The following RPAP3 variants were observed in gnomAD, a reference collection of about 807,000 sequenced individuals.
RPAP3 encodes RNA polymerase II-associated protein 3.
Under a neutral mutation model 88.8 loss-of-function variants are expected in RPAP3, and 58 were observed. The ratio of observed to expected loss-of-function variants is 0.65; its 90% CI spans 0.53 to 0.81. RPAP3 has a LOEUF of 0.81. Ranked by LOEUF, RPAP3 falls within the 40% of genes least tolerant of loss-of-function variation. The pLI, the probability that RPAP3 is intolerant of heterozygous loss-of-function variation, is 0.00. For synonymous variants in RPAP3, 255 were observed against 259.9 expected (o/e 0.98, Z 0.18); for missense variants, 751 against 764.3 (o/e 0.98, Z 0.20).
intron 5 of RPAP3, among the ~76,000 whole-genome samples, chr12:47,691,762 T>C (rs1484995605): frequency 6.6e-6 from 1 of 152,120 alleles, no homozygotes; most frequent in East Asian, 1.9e-4. Flanking sequence ...TTTCTTTTTT[T>C]TTGAGACAGA....
rs1938759645 is a variant in RPAP3 at position 47,661,516 on chromosome 12, G to A, written c.*1989C>T. 6.6e-6 allele frequency: 1 copy of A among 152,194 alleles called. No individual in the cohort carries two copies. Among genetic ancestry groups the A allele is most frequent in the Non-Finnish European group, 1.5e-5 (1 of 68,042 alleles). The allele number at this position is 152,194 out of a possible 1,614,324, so 9.4% of individuals were successfully genotyped here. On this transcript the variant is annotated 3_prime_UTR_variant, in exon 17 of 17. Transcript: ENST00000005386. ...CTTGTCCAAGGCCCTAAAGCCAGAT[G>A]GAGCCAGAATTCAAACTCAAGAAGT...
intron 13 of RPAP3, 126 bp downstream of exon 13, chr12:47,669,981 G>A (rs1314431294): frequency 1.6e-6 from 1 of 621,204 alleles, no homozygotes; most frequent in Non-Finnish European, 2.8e-6. Flanking sequence ...AGAAAAGCTA[G>A]AAACTTAAGT....
intron 14 of RPAP3, among the ~76,000 whole-genome samples, 188 bp downstream of exon 14, chr12:47,668,728 T>C (rs1311918471): frequency 6.6e-6 from 1 of 152,210 alleles, no homozygotes; most frequent in Non-Finnish European, 1.5e-5. Context: ...ATAGAATCTA[T>C]TGCCAAAGGA....
chr12:47,670,006 A>C, intron 13 of RPAP3, 101 bp downstream of exon 13: 1 of 756,674 alleles, frequency 1.3e-6, no homozygotes, highest in Non-Finnish European at 2.2e-6. Context: ...CAGTTCAAAA[A>C]ATTAGCATGA....
intron 6 of RPAP3, among the ~76,000 whole-genome samples, chr12:47,690,041 CA>C (rs573336232): frequency 2.8e-3 from 157 of 56,578 alleles, no homozygotes; most frequent in Admixed American, 3.1e-3. Flanking sequence ...GACTCTGTCT[CA>C]AAAAAAAAAA....
chr12:47,663,110 CTATT>C lies in RPAP3; in HGVS notation c.*391_*394del, dbSNP rs566843255. On this transcript the variant is annotated 3_prime_UTR_variant, in exon 17 of 17. Transcript: ENST00000005386. ...TTTTATAAAGAAAGGATCTCACTAT[CTATT>C]TAACTTCCTCTTTACAAAGGTAATT... is the stretch of plus-strand genomic sequence containing the variant. 5.6e-4 allele frequency: 86 copies of C among 154,640 alleles called. 1 individual carries two copies. Among genetic ancestry groups the C allele is most frequent in the Admixed American group, 9.8e-4 (15 of 15,332 alleles). The allele number at this position is 154,640 out of a possible 1,614,324, so 9.6% of individuals were successfully genotyped here.
chr12:47,685,301 C>T (rs1443361109), intron 9 of RPAP3, among the ~76,000 whole-genome samples: 8 of 151,494 alleles, frequency 5.3e-5, no homozygotes, highest in Admixed American at 3.3e-4. Context: ...ATTGCTTGAA[C>T]CTGGGAGGTG....
intron 9 of RPAP3, among the ~76,000 whole-genome samples, chr12:47,682,189 T>C (rs1288218303): frequency 6.6e-6 from 1 of 152,186 alleles, no homozygotes; most frequent in Non-Finnish European, 1.5e-5. Flanking sequence ...CTAATAAAAC[T>C]TTATTAACAT....
rs753572708 is a variant in RPAP3 at position 47,690,476 on chromosome 12, T to C, written c.667+42A>G. The C allele has an allele frequency of 1.3e-4, 196 of 1,526,478 alleles. 1 individual carries two copies. In the Admixed American group the frequency reaches 3.7e-3, roughly 29 times the overall value. 94.6% of individuals were successfully genotyped at this position (1,526,478 alleles called of 1,614,324 possible). A position where few individuals can be genotyped will look rare whatever the true frequency, so the allele number is the denominator to read the frequency against. On this transcript the variant is annotated intron_variant, in intron 6 of 16. Coordinates refer to ENST00000005386, the MANE Select transcript of RPAP3 (RefSeq NM_024604.3). ...TATTCTCCATATAGCATCTGTGAGA[T>C]AACACTGTTAAAGAATTCTTTAGAG...
intron 2 of RPAP3, 130 bp from the exon 3 acceptor site, chr12:47,701,734 C>A: frequency 1.7e-6 from 1 of 583,226 alleles, no homozygotes; most frequent in South Asian, 5.1e-5. Flanking sequence ...TTTAAAAAGA[C>A]CAATTTACCA....
At chr12:47,677,816 A>G (rs1939147179) in intron 12 of RPAP3, among the ~76,000 whole-genome samples, 1 of 152,238 alleles carries the variant, frequency 6.6e-6, no homozygotes, top group South Asian at 2.1e-4. Flanking sequence ...AAATGGCCAT[A>G]CTGCCCAAAG....
chr12:47,667,552 A>T (rs769410719), intron 15 of RPAP3, among the ~76,000 whole-genome samples: 1 of 152,192 alleles, frequency 6.6e-6, no homozygotes, highest in Non-Finnish European at 1.5e-5. Flanking sequence ...CTCACTTAAC[A>T]TCATCAATAG....
chr12:47,692,909 T>TC (rs1180465424), intron 5 of RPAP3, among the ~76,000 whole-genome samples: 1 of 152,202 alleles, frequency 6.6e-6, no homozygotes, highest in African/African-American at 2.4e-5. Flanking sequence ...AGACAGAGCG[T>TC]CACTCTCTCG....
intron 14 of RPAP3, among the ~76,000 whole-genome samples, chr12:47,668,250 G>A (rs1184692421): frequency 6.6e-6 from 1 of 152,122 alleles, no homozygotes; most frequent in East Asian, 1.9e-4. Flanking sequence ...TAATAATGGA[G>A]TCACATTAAA....
chr12:47,679,784 A>AT lies in RPAP3; in HGVS notation c.1115-11dup. ...AAAACAGTTTCAAAATCTAAAGCGA[A>AT]TTTTTTAAAAACATTACAACATAGT... On this transcript the variant is annotated splice_polypyrimidine_tract_variant and intron_variant, in intron 10 of 16. Transcript: ENST00000005386. The AT allele has an allele frequency of 1.9e-6, 3 of 1,583,664 alleles. No individual in the cohort carries two copies. Among genetic ancestry groups the AT allele is most frequent in the African/African-American group, 1.3e-5 (1 of 74,354 alleles).
Position 47,663,404 on chromosome 12 carries a change from T to C in RPAP3, c.*101A>G, listed in dbSNP as rs1938798460. On this transcript the variant is annotated 3_prime_UTR_variant, in exon 17 of 17. Coordinates refer to ENST00000005386, the MANE Select transcript of RPAP3 (RefSeq NM_024604.3). ...ATTAACTTATGTTCAAAGATAGTCC[T>C]TTCCTGCTATATAATTTCATTTTCT... The C allele has an allele frequency of 2.8e-6, 2 of 711,764 alleles. No homozygotes were observed. The highest frequency in any genetic ancestry group is 2.7e-5 in the East Asian group (1 of 36,892). 44.1% of individuals were successfully genotyped at this position (711,764 alleles called of 1,614,324 possible).
chr12:47,684,956 T>C (rs1939293280), intron 9 of RPAP3, among the ~76,000 whole-genome samples: 1 of 152,236 alleles, frequency 6.6e-6, no homozygotes, highest in Admixed American at 6.5e-5. Flanking sequence ...CCTGAGATTG[T>C]CTGAGGGATG....
At chr12:47,688,311 C>A (rs1304325342) in intron 7 of RPAP3, among the ~76,000 whole-genome samples, 2 of 150,538 alleles carry the variant, frequency 1.3e-5, no homozygotes, top group Non-Finnish European at 2.9e-5. Context: ...ACAACAGACA[C>A]TATAGACTAC....
chr12:47,669,880 C>A (rs1345823193), intron 13 of RPAP3, among the ~76,000 whole-genome samples: 4 of 151,934 alleles, frequency 2.6e-5, no homozygotes, highest in African/African-American at 9.7e-5. Flanking sequence ...TTCAAGATAC[C>A]TTCTTATCTT....
Sources: allele counts gnomAD v4.1 joint callset (sites outside exome capture counted in the v4.1 genomes callset), GRCh38; gene constraint gnomAD v4.1.1; transcripts MANE v1.5; gene names NCBI Gene and HGNC (gene_info 2026-07-23, HGNC 2026-07-21).